The following TENM3 variants were observed in gnomAD, a reference collection of about 807,000 sequenced individuals.
The protein encoded by TENM3 is teneurin transmembrane protein 3.
Under a neutral mutation model 255.1 loss-of-function variants are expected in TENM3, and 63 were observed. The observed-to-expected ratio is 0.25, with a 90% CI of 0.20 to 0.30. The LOEUF is 0.30. TENM3 is among the 10% of genes least tolerant of loss of function. The probability of loss-of-function intolerance (pLI) is 1.00; values close to 1 mark genes in which losing one functional copy is unlikely to be tolerated. For missense variants in TENM3, 2,929 were observed against 3,461.1 expected, an observed-to-expected ratio of 0.85 and a Z score of 3.86; for synonymous variants, 1,306 against 1,322.3, an observed-to-expected ratio of 0.99 and a Z score of 0.27.
the TENM3 span, among the ~76,000 whole-genome samples, chr4:182,016,065 G>A: frequency 3.9e-5 from 6 of 152,214 alleles, no homozygotes; most frequent in South Asian, 2.1e-4. Flanking sequence ...ATGCCTGAGC[G>A]GTTAAAGATT....
intron 1 of TENM3, among the ~76,000 whole-genome samples, chr4:182,158,070 G>A (rs1443166711): frequency 6.6e-6 from 1 of 152,124 alleles, no homozygotes; most frequent in Non-Finnish European, 1.5e-5. Context: ...TGTTGACATA[G>A]CCTCAGAGTC....
chr4:181,954,271 T>C, the TENM3 span, among the ~76,000 whole-genome samples: 1 of 152,204 alleles, frequency 6.6e-6, no homozygotes, highest in African/African-American at 2.4e-5. Context: ...ATGTCTTCAT[T>C]GTCTTTGATA....
intron 3 of TENM3, among the ~76,000 whole-genome samples, chr4:182,534,416 ATGT>A (rs949093004): frequency 2.0e-5 from 3 of 152,212 alleles, no homozygotes; most frequent in Non-Finnish European, 4.4e-5. Flanking sequence ...TGTTTATTTC[ATGT>A]GCAAAGCAGA....
intron 5 of TENM3, among the ~76,000 whole-genome samples, chr4:182,641,311 T>G (rs1752287375): frequency 6.6e-6 from 1 of 152,226 alleles, no homozygotes; most frequent in African/African-American, 2.4e-5. Flanking sequence ...TGCCATGTTT[T>G]AATATACTGA....
chr4:181,912,458 C>T, the TENM3 span, among the ~76,000 whole-genome samples: 3 of 152,018 alleles, frequency 2.0e-5, no homozygotes, highest in Non-Finnish European at 2.9e-5. Flanking sequence ...ACTGAAGAAC[C>T]GTTGCTCAGG....
the TENM3 span, among the ~76,000 whole-genome samples, chr4:182,004,898 T>C: frequency 6.6e-6 from 1 of 152,202 alleles, no homozygotes; most frequent in Non-Finnish European, 1.5e-5. Flanking sequence ...TCATATCCTT[T>C]ACCCCCTTCT....
chr4:182,712,441 A>C (rs540245465), intron 12 of TENM3, among the ~76,000 whole-genome samples: 35 of 152,230 alleles, frequency 2.3e-4, no homozygotes, highest in East Asian at 9.7e-4. Flanking sequence ...AAAAAAAAAA[A>C]AAAAAAAACA....
At chr4:181,956,379 T>C in the TENM3 span, among the ~76,000 whole-genome samples, 1 of 152,226 alleles carries the variant, frequency 6.6e-6, no homozygotes, top group Admixed American at 6.5e-5. Context: ...CCATTTTCAA[T>C]AGACACCCAT....
intron 1 of TENM3, among the ~76,000 whole-genome samples, chr4:182,291,099 G>A (rs1488441110): frequency 6.6e-6 from 1 of 152,202 alleles, no homozygotes; most frequent in Non-Finnish European, 1.5e-5. Context: ...GGGATTACGA[G>A]TGTGAGCCAC....
intron 3 of TENM3, among the ~76,000 whole-genome samples, chr4:182,596,274 T>A (rs1448775887): frequency 6.6e-6 from 1 of 152,226 alleles, no homozygotes; most frequent in Non-Finnish European, 1.5e-5. Context: ...TCTCATTGAA[T>A]TCTTCACAAA....
the TENM3 span, among the ~76,000 whole-genome samples, chr4:181,696,472 TATTAA>T: frequency 1.3e-5 from 2 of 152,224 alleles, no homozygotes; most frequent in Non-Finnish European, 2.9e-5. Context: ...TCAATAAACG[TATTAA>T]CATGAAACAT....
At chr4:181,827,033 A>G in the TENM3 span, among the ~76,000 whole-genome samples, 2 of 152,140 alleles carry the variant, frequency 1.3e-5, no homozygotes, top group Admixed American at 1.3e-4. Context: ...TAGCTGGGTG[A>G]CACCAGACAG....
At chr4:182,151,070 T>TA (rs1255885820) in intron 1 of TENM3, among the ~76,000 whole-genome samples, 1 of 152,066 alleles carries the variant, frequency 6.6e-6, no homozygotes, top group Non-Finnish European at 1.5e-5. Flanking sequence ...TTTTTGACAA[T>TA]AGGGGCGTTT....
chr4:182,764,011 CAATT>C (rs1458260101), intron 22 of TENM3, among the ~76,000 whole-genome samples: 2 of 152,178 alleles, frequency 1.3e-5, no homozygotes, highest in Non-Finnish European at 2.9e-5. Flanking sequence ...TTAACACAAA[CAATT>C]AACCACAAGC....
chr4:181,586,060 A>G, the TENM3 span, among the ~76,000 whole-genome samples: 1 of 152,216 alleles, frequency 6.6e-6, no homozygotes, highest in African/African-American at 2.4e-5. Context: ...TTACCAAAAA[A>G]ACTTTAAAGT....
intron 5 of TENM3, among the ~76,000 whole-genome samples, chr4:182,637,779 CT>C (rs1751964411): frequency 1.3e-5 from 2 of 152,114 alleles, no homozygotes; most frequent in African/African-American, 4.8e-5. Context: ...GTTATAGTAA[CT>C]GTTTGAAAAG....
At chr4:181,590,829 C>T in the TENM3 span, among the ~76,000 whole-genome samples, 7 of 152,246 alleles carry the variant, frequency 4.6e-5, no homozygotes, top group Admixed American at 3.3e-4. Flanking sequence ...AACAAAACAG[C>T]ATCAATAATA....
the TENM3 span, among the ~76,000 whole-genome samples, chr4:181,793,194 G>A: frequency 3.9e-3 from 590 of 152,296 alleles, 1 homozygote; most frequent in African/African-American, 0.013. Context: ...ATCCAGGGCT[G>A]GCCGGCGATC....
At chr4:181,585,386 A>T in the TENM3 span, among the ~76,000 whole-genome samples, 1 of 152,152 alleles carries the variant, frequency 6.6e-6, no homozygotes, top group Non-Finnish European at 1.5e-5. Flanking sequence ...TTGTACATTC[A>T]TCGGTCAGGA....
Sources: gnomAD v4.1 joint callset for allele counts (sites outside exome capture counted in the v4.1 genomes callset) on GRCh38, gnomAD v4.1.1 for gene constraint, MANE v1.5 for transcripts, NCBI Gene and HGNC (gene_info 2026-07-23, HGNC 2026-07-21) for gene names.